The following PTPRN2 variants were observed in gnomAD, a reference collection of about 807,000 sequenced individuals.
PTPRN2 encodes the protein protein tyrosine phosphatase receptor type N2.
In PTPRN2, 74 loss-of-function variants were observed where a neutral mutation model predicts 118.8. The ratio of observed to expected loss-of-function variants is 0.62; its 90% confidence interval spans 0.52 to 0.76. PTPRN2 has a LOEUF of 0.76. Among genes scored for constraint, PTPRN2 ranks in the 30% least tolerant of loss-of-function variants. The probability of loss-of-function intolerance (pLI) is 0.00; values close to 1 mark genes in which losing one functional copy is unlikely to be tolerated. For synonymous variants in PTPRN2, 641 were observed against 608.0 expected (o/e 1.05, Z -0.80); for missense variants, 1,481 against 1,394.4 (o/e 1.06, Z -0.99).
Position 158,489,753 on chromosome 7 carries a change from ACG to A in PTPRN2, c.143_144del (p.Ala48ValfsTer51). 1 of 1,583,838 alleles carries A rather than the reference ACG, an allele frequency of 6.3e-7. No individual in the cohort carries two copies. Among genetic ancestry groups the A allele is most frequent in the Non-Finnish European group, 8.6e-7 (1 of 1,166,214 alleles). ...CACTCACCGTTCACACAGGCCTCGGACGCTCCGCAGAGGCCCTCCTCGAGCAG... is the reference window on the plus strand; with the variant it reads ...CACTCACCGTTCACACAGGCCTCGGACTCCGCAGAGGCCCTCCTCGAGCAG... Reference protein sequence around the residue: ...GCLLEEGLCGASEACVNDGVF... With the variant: ...GCLLEEGLCGXSEACVNDGVF... On this transcript the variant is annotated frameshift_variant, in exon 2 of 23. Coordinates refer to ENST00000389418, the MANE Select transcript of PTPRN2 (RefSeq NM_002847.5). LOFTEE classifies it high-confidence loss of function.
chr7:158,404,326 GA>G (rs1813183745), intron 2 of PTPRN2, among the ~76,000 whole-genome samples: 1 of 152,192 alleles, frequency 6.6e-6, no homozygotes, highest in East Asian at 1.9e-4. Flanking sequence ...GACAGACTTT[GA>G]TGGGAGGATG....
At chr7:157,878,916 C>T (rs1341853334) in intron 12 of PTPRN2, among the ~76,000 whole-genome samples, 30 of 111,232 alleles carry the variant, frequency 2.7e-4, no homozygotes, top group Middle Eastern at 9.1e-3. Context: ...ACTTACTCAC[C>T]GAGGAGCTCT....
At chr7:158,153,993 G>A (rs1353764897) in intron 6 of PTPRN2, among the ~76,000 whole-genome samples, 2 of 152,188 alleles carry the variant, frequency 1.3e-5, no homozygotes, top group Non-Finnish European at 2.9e-5. Context: ...CCACAGCCAT[G>A]CTGTAGGAAC....
At chr7:158,387,314 G>A (rs923838620) in intron 2 of PTPRN2, among the ~76,000 whole-genome samples, 5 of 152,202 alleles carry the variant, frequency 3.3e-5, no homozygotes, top group Admixed American at 2.0e-4. Context: ...ACATCTGCAA[G>A]CCAAATAGGT....
At position 157,861,610 on chromosome 7, in the gene PTPRN2, AGACG is replaced by A. The variant is rs1810246955; in HGVS notation, c.1788+37059_1788+37062del. ...TGGGGCTGCCAGAACAAAGGACTCC[AGACG>A]GATGGGCTTGAAACAGTGGATGCCT... On this transcript the variant is annotated intron_variant, in intron 12 of 22. Transcript: ENST00000389418. The surrounding 1 kb of genome is among the most constrained non-coding windows in gnomAD (Gnocchi z 5.8). Among the ~76,000 whole-genome samples, 1 of 152,228 alleles carries A rather than the reference AGACG, an allele frequency of 6.6e-6. No homozygotes were observed. Among genetic ancestry groups the A allele is most frequent in the Non-Finnish European group, 1.5e-5 (1 of 68,044 alleles).
chr7:157,581,946 G>C (rs750938624), intron 17 of PTPRN2, among the ~76,000 whole-genome samples: 2 of 152,148 alleles, frequency 1.3e-5, no homozygotes, highest in African/African-American at 2.4e-5. Context: ...GGCCACCCAC[G>C]CCACACCCCT....
chr7:158,540,142 G>A (rs1046102643), intron 1 of PTPRN2, among the ~76,000 whole-genome samples: 1 of 152,204 alleles, frequency 6.6e-6, no homozygotes, highest in African/African-American at 2.4e-5. Context: ...GTCACACACA[G>A]GCAGGGACCG....
chr7:158,362,064 C>T (rs777779975), intron 2 of PTPRN2, among the ~76,000 whole-genome samples: 1 of 152,356 alleles, frequency 6.6e-6, no homozygotes, highest in South Asian at 2.1e-4. Flanking sequence ...ACCTGTGCTA[C>T]CATCAACCTC....
intron 12 of PTPRN2, among the ~76,000 whole-genome samples, chr7:157,798,015 T>G (rs1804982367): frequency 6.6e-6 from 1 of 152,152 alleles, no homozygotes; most frequent in African/African-American, 2.4e-5. Context: ...TCCCGGCACT[T>G]TGGGAGGCTG....
At chr7:157,566,495 C>T (rs1799490288) in intron 21 of PTPRN2, among the ~76,000 whole-genome samples, 1 of 152,178 alleles carries the variant, frequency 6.6e-6, no homozygotes. Context: ...CCTTTGATCT[C>T]TCCTGAGACT....
intron 11 of PTPRN2, among the ~76,000 whole-genome samples, chr7:157,963,133 C>T (rs982139410): frequency 2.0e-5 from 3 of 152,248 alleles, no homozygotes; most frequent in African/African-American, 4.8e-5. Context: ...CTGACAGCCA[C>T]GGTGCAAGTC....
intron 1 of PTPRN2, among the ~76,000 whole-genome samples, chr7:158,491,555 T>A (rs1004417310): frequency 2.0e-5 from 3 of 152,136 alleles, no homozygotes; most frequent in African/African-American, 7.2e-5. Context: ...AATGGAGTGA[T>A]CTTGGCTCAC....
chr7:157,584,822 T>C (rs1341696437), intron 17 of PTPRN2, among the ~76,000 whole-genome samples: 1 of 152,222 alleles, frequency 6.6e-6, no homozygotes, highest in Non-Finnish European at 1.5e-5. Flanking sequence ...GAAGAAATAG[T>C]GTGTGTGACA....
At position 157,615,672 on chromosome 7, in the gene PTPRN2, A is replaced by G. The variant is rs1258072019; in HGVS notation, c.2344+5690T>C. Reference sequence around the variant, plus strand: ...TCAATGACTTGACGACGTGAAAAACATGTTTATAAAACGAGCAGATGGTGC... The same window carrying G: ...TCAATGACTTGACGACGTGAAAAACGTGTTTATAAAACGAGCAGATGGTGC... On this transcript the variant is annotated intron_variant, in intron 15 of 22. Coordinates refer to ENST00000389418, the MANE Select transcript of PTPRN2 (RefSeq NM_002847.5). The surrounding 1 kb of genome is among the most constrained non-coding windows in gnomAD (Gnocchi z 4.3). 2.2e-6 allele frequency: 1 copy of G among 459,664 alleles called. No individual in the cohort carries two copies. Among genetic ancestry groups the G allele is most frequent in the African/African-American group, 2.0e-5 (1 of 49,892 alleles). 28.5% of individuals were successfully genotyped at this position (459,664 alleles called of 1,614,324 possible). A position where few individuals can be genotyped will look rare whatever the true frequency, so the allele number is the denominator to read the frequency against.
intron 12 of PTPRN2, among the ~76,000 whole-genome samples, chr7:157,697,760 C>G (rs1585258048): frequency 6.9e-6 from 1 of 144,722 alleles, no homozygotes; most frequent in Non-Finnish European, 1.5e-5. Flanking sequence ...TCTACCCATG[C>G]ATACTGGATC....
chr7:157,800,868 C>T (rs1018340414), intron 12 of PTPRN2, among the ~76,000 whole-genome samples: 2 of 151,736 alleles, frequency 1.3e-5, no homozygotes, highest in African/African-American at 4.8e-5. Context: ...AGGAGAATGG[C>T]GTGAACCCGG....
intron 3 of PTPRN2, among the ~76,000 whole-genome samples, chr7:158,288,138 G>C (rs1298998508): frequency 6.6e-6 from 1 of 151,958 alleles, no homozygotes; most frequent in African/African-American, 2.4e-5. Context: ...GTCTTCATTT[G>C]CATGAAATAT....
intron 2 of PTPRN2, among the ~76,000 whole-genome samples, chr7:158,468,042 C>T (rs1819517928): frequency 6.6e-6 from 1 of 152,296 alleles, no homozygotes; most frequent in Middle Eastern, 3.4e-3. Context: ...TAAATTATAA[C>T]TCACACTGCA....
intron 10 of PTPRN2, among the ~76,000 whole-genome samples, chr7:158,091,242 T>C (rs1814095192): frequency 6.6e-6 from 1 of 152,230 alleles, no homozygotes; most frequent in South Asian, 2.1e-4. Context: ...AAGTTTGTAG[T>C]CCGTTTAAAT....
Sources: allele counts gnomAD v4.1 joint callset (sites outside exome capture counted in the v4.1 genomes callset), GRCh38; gene constraint gnomAD v4.1.1; non-coding constraint Gnocchi (gnomAD v3.1); transcripts MANE v1.5; gene names NCBI Gene and HGNC (gene_info 2026-07-23, HGNC 2026-07-21).